The following MSRA variants were observed in gnomAD, a reference collection of about 807,000 sequenced individuals.
The protein encoded by MSRA is methionine sulfoxide reductase A, also known as mitochondrial peptide methionine sulfoxide reductase.
MSRA carries 54 observed loss-of-function variants against 31.3 expected under a neutral mutation model. That is an observed-to-expected ratio of 1.73 (90% confidence interval 1.39 to 2.17). MSRA has a LOEUF of 2.17. Ranked by LOEUF, MSRA falls within the 30% of genes most tolerant of loss-of-function variation. The pLI, the probability that MSRA is intolerant of heterozygous loss-of-function variation, is 0.00. For synonymous variants in MSRA, 169 were observed against 116.5 expected, an observed-to-expected ratio of 1.45 and a Z score of -2.90; for missense variants, 507 against 300.9, an observed-to-expected ratio of 1.69 and a Z score of -5.07.
In MSRA at chr8:10,207,820, T is replaced by C; in HGVS notation, c.143-13T>C. The C allele has an allele frequency of 1.2e-6, 2 of 1,602,988 alleles. No homozygotes were observed. Among genetic ancestry groups the C allele is most frequent in the South Asian group, 1.1e-5 (1 of 88,550 alleles). On this transcript the variant is annotated splice_polypyrimidine_tract_variant and intron_variant, in intron 1 of 5. Coordinates refer to ENST00000317173, the MANE Select transcript of MSRA (RefSeq NM_012331.5). Reference sequence around the variant, plus strand: ...TTACACTTAAACTTGCATTTCTTTTTTTTTTTTTCTAGCCAAACATCATGT... The same window carrying C: ...TTACACTTAAACTTGCATTTCTTTTCTTTTTTTTCTAGCCAAACATCATGT...
chr8:10,363,738 C>CACACACACACACACACACA (rs377334413), intron 5 of MSRA, among the ~76,000 whole-genome samples: 3 of 103,288 alleles, frequency 2.9e-5, no homozygotes, highest in African/African-American at 1.0e-4. Flanking sequence ...GATGCAGTCA[C>CACACACACACACACACACA]CACACACACA....
chr8:10,310,149 G>C (rs1326372922), intron 4 of MSRA, among the ~76,000 whole-genome samples: 2 of 152,148 alleles, frequency 1.3e-5, no homozygotes, highest in African/African-American at 4.8e-5. Context: ...CATATACAAG[G>C]AATCTATCAT....
intron 1 of MSRA, among the ~76,000 whole-genome samples, chr8:10,070,900 T>G (rs963921250): frequency 6.6e-6 from 1 of 152,266 alleles, no homozygotes; most frequent in Non-Finnish European, 1.5e-5. Flanking sequence ...CATTCACACA[T>G]TGAAGGATAT....
intron 1 of MSRA, among the ~76,000 whole-genome samples, chr8:10,099,162 G>C (rs17151071): frequency 0.13 from 20,422 of 152,160 alleles, 1,780 homozygotes; most frequent in African/African-American, 0.25. Flanking sequence ...ATTCCATGCA[G>C]TTGTTCTCTG....
chr8:10,063,224 G>T (rs771019083), intron 1 of MSRA, among the ~76,000 whole-genome samples: 30 of 152,166 alleles, frequency 2.0e-4, no homozygotes, highest in Non-Finnish European at 3.8e-4. Flanking sequence ...CTCTACATTT[G>T]AGTTGTCCTT....
At chr8:10,152,606 T>C (rs1803795107) in intron 1 of MSRA, among the ~76,000 whole-genome samples, 1 of 152,236 alleles carries the variant, frequency 6.6e-6, no homozygotes, top group African/African-American at 2.4e-5. Flanking sequence ...TGTTTTAGAT[T>C]CTGTGGATCT....
intron 4 of MSRA, among the ~76,000 whole-genome samples, chr8:10,314,239 A>C (rs1801593157): frequency 6.6e-6 from 1 of 152,166 alleles, no homozygotes; most frequent in Non-Finnish European, 1.5e-5. Context: ...AAAAATAACA[A>C]ATTGCCAAGA....
intron 4 of MSRA, among the ~76,000 whole-genome samples, chr8:10,317,796 G>C (rs7834714): frequency 0.17 from 26,233 of 152,088 alleles, 2,589 homozygotes; most frequent in African/African-American, 0.26. Context: ...TGCAACACTT[G>C]TTGCATCTGT....
At position 10,428,852 on chromosome 8, in the gene MSRA, A is replaced by T. The variant is rs1304174111; in HGVS notation, c.*540A>T. The stretch of plus-strand genomic sequence containing the variant: ...AATGCTTTGCTTAGAGCTATGAGAA[A>T]TGTTTGTTTTAATAAAAACCTACAG... On this transcript the variant is annotated 3_prime_UTR_variant, in exon 6 of 6. Transcript: ENST00000317173. 6.5e-6 allele frequency: 1 copy of T among 152,944 alleles called. No individual in the cohort carries two copies. The highest frequency in any genetic ancestry group is 6.5e-5 in the Admixed American group (1 of 15,288). The allele number at this position is 152,944 out of a possible 1,614,324, so 9.5% of individuals were successfully genotyped here.
chr8:10,393,267 G>A (rs1411847480), intron 5 of MSRA, among the ~76,000 whole-genome samples: 2 of 152,050 alleles, frequency 1.3e-5, no homozygotes, highest in African/African-American at 4.8e-5. Flanking sequence ...GGTGCCAGGG[G>A]GTTTGTTTCC....
In MSRA at chr8:10,077,251, C is replaced by T. The variant is rs146025643; in HGVS notation, c.142+22593C>T. The stretch of plus-strand genomic sequence containing the variant: ...AGAGAGGGAGGGCGAGAGCCAGGCA[C>T]CATGGCCAGGTGGGAAAGTGTGGAG... On this transcript the variant is annotated intron_variant, in intron 1 of 5. Transcript: ENST00000317173. 7.8e-3 allele frequency among the ~76,000 whole-genome samples: 1,183 copies of T among 152,196 alleles called. 12 individuals are homozygous for T. The highest frequency in any genetic ancestry group is 0.027 in the African/African-American group (1,127 of 41,526).
intron 2 of MSRA, among the ~76,000 whole-genome samples, chr8:10,229,651 G>T (rs933350427): frequency 6.6e-6 from 1 of 152,080 alleles, no homozygotes. Flanking sequence ...CCTCATAGAT[G>T]AAATCCCCTC....
At chr8:10,239,787 G>A (rs941026247) in intron 2 of MSRA, among the ~76,000 whole-genome samples, 1 of 152,212 alleles carries the variant, frequency 6.6e-6, no homozygotes, top group Non-Finnish European at 1.5e-5. Flanking sequence ...AGTAAATGAA[G>A]TCAATCCTGT....
intron 5 of MSRA, among the ~76,000 whole-genome samples, chr8:10,358,131 G>C (rs1001506356): frequency 6.6e-6 from 1 of 152,056 alleles, no homozygotes; most frequent in African/African-American, 2.4e-5. Flanking sequence ...GTTTCACCAT[G>C]TTGGCCAGGC....
chr8:10,204,389 A>G (rs941789874), intron 1 of MSRA, among the ~76,000 whole-genome samples: 3 of 152,332 alleles, frequency 2.0e-5, no homozygotes, highest in African/African-American at 7.2e-5. Flanking sequence ...TGCAAGCTCC[A>G]TTTGTCATAA....
chr8:10,136,190 G>T (rs1457585370), intron 1 of MSRA, among the ~76,000 whole-genome samples: 1 of 152,144 alleles, frequency 6.6e-6, no homozygotes, highest in African/African-American at 2.4e-5. Context: ...CAGGGACCCC[G>T]GGCAGAGAGG....
chr8:10,295,933 T>A (rs1402259520), intron 3 of MSRA, among the ~76,000 whole-genome samples: 1 of 152,160 alleles, frequency 6.6e-6, no homozygotes, highest in Non-Finnish European at 1.5e-5. Context: ...AGCCCCTCTT[T>A]CGGAGGTGTC....
chr8:10,167,879 A>G (rs1447175548), intron 1 of MSRA, among the ~76,000 whole-genome samples: 2 of 152,194 alleles, frequency 1.3e-5, no homozygotes, highest in Admixed American at 6.5e-5. Flanking sequence ...AAACATTGCC[A>G]CTGCCCTAGA....
At chr8:10,085,624 C>T (rs193210558) in intron 1 of MSRA, among the ~76,000 whole-genome samples, 9 of 152,242 alleles carry the variant, frequency 5.9e-5, no homozygotes, top group Admixed American at 5.2e-4. Context: ...CCACAAAATT[C>T]ACCTCTTCTA....
Sources: gnomAD v4.1 joint callset for allele counts (sites outside exome capture counted in the v4.1 genomes callset) on GRCh38, gnomAD v4.1.1 for gene constraint, MANE v1.5 for transcripts, NCBI Gene and HGNC (gene_info 2026-07-23, HGNC 2026-07-21) for gene names.